NUDC: variants seen among roughly 807,000 people sequenced by gnomAD.
NUDC encodes the protein nuclear migration protein nudC.
Under a neutral mutation model 45.0 loss-of-function variants are expected in NUDC, and 14 were observed. That is an observed-to-expected ratio of 0.31 (90% confidence interval 0.21 to 0.49). The LOEUF is 0.49. NUDC is among the 20% of genes least tolerant of loss of function. The pLI, the probability that NUDC is intolerant of heterozygous loss-of-function variation, is 0.99. For missense variants in NUDC, 323 were observed against 426.2 expected (o/e 0.76, Z 2.13); for synonymous variants, 153 against 156.7 (o/e 0.98, Z 0.17).
chr1:26,919,518 A>G (rs914587071), upstream of NUDC, among the ~76,000 whole-genome samples: 1 of 152,168 alleles, frequency 6.6e-6, no homozygotes, highest in Non-Finnish European at 1.5e-5. Context: ...ACATACTTCC[A>G]GTTGTCCTGG....
chr1:26,900,387 C>T lies in NUDC; in HGVS notation c.-114C>T, dbSNP rs200926742. 64 of 1,613,894 alleles carry T rather than the reference C, an allele frequency of 4.0e-5. No individual in the cohort carries two copies. The Admixed American group carries it at 1.0e-3, about 26-fold the overall frequency. ...GGCCGAGCGCAACACGGAGGGGATA[C>T]CGCTCACTACCAGGTAAACTGTCGC... On this transcript the variant is annotated 5_prime_UTR_variant, in exon 1 of 7. Coordinates refer to the NUDC transcript ENST00000435827.
At chr1:26,919,309 A>G (rs1170104315), upstream of NUDC, among the ~76,000 whole-genome samples, 1 of 151,972 alleles carries the variant, frequency 6.6e-6, no homozygotes, top group Admixed American at 6.6e-5. Flanking sequence ...GGTTTGTTAC[A>G]TATGTATACA....
chr1:26,943,570 G>C (rs2082296048), intron 6 of NUDC, among the ~76,000 whole-genome samples: 1 of 152,154 alleles, frequency 6.6e-6, no homozygotes, highest in East Asian at 1.9e-4. Flanking sequence ...AGAATTGAAA[G>C]TCTTAGTTTC....
chr1:26,945,736 A>G, intron 8 of NUDC, 50 bp downstream of exon 8: 1 of 1,342,814 alleles, frequency 7.4e-7, no homozygotes, highest in Non-Finnish European at 1.1e-6. Context: ...CTGGGGGCTT[A>G]GACTTCGGTG....
Position 26,946,300 on chromosome 1 carries a change from G to A in NUDC, c.*119G>A. ...TGGGGCAGGCATGGGACTGGCCCAG[G>A]CACACAGGTCCCGGGGCATCAGGAG... On this transcript the variant is annotated 3_prime_UTR_variant, in exon 9 of 9. Transcript: ENST00000321265. 1 of 873,476 alleles carries A rather than the reference G, an allele frequency of 1.1e-6. No homozygotes were observed. The allele number at this position is 873,476 out of a possible 1,614,324, so 54.1% of individuals were successfully genotyped here.
rs529145512 is a variant in NUDC, at chr1:26,928,705, A to T, written c.159+4539A>T. Among the ~76,000 whole-genome samples, 81 of 152,320 alleles carry T rather than the reference A, an allele frequency of 5.3e-4. 1 individual carries two copies. The South Asian group carries it at 0.016, about 30-fold the overall frequency. On this transcript the variant is annotated intron_variant, in intron 2 of 8. Coordinates refer to ENST00000321265, the MANE Select transcript of NUDC (RefSeq NM_006600.4). Reference sequence around the variant, plus strand: ...GAGCAGGACTTTGTTTCCAAAACAAAACCCACAATGAGATACTATTTCACA... The same window carrying T: ...GAGCAGGACTTTGTTTCCAAAACAATACCCACAATGAGATACTATTTCACA...
intron 2 of NUDC, among the ~76,000 whole-genome samples, chr1:26,927,292 T>A (rs2082141455): frequency 6.6e-6 from 1 of 151,470 alleles, no homozygotes; most frequent in African/African-American, 2.4e-5. Flanking sequence ...TGTGTGTGTG[T>A]GTGTGTGTGT....
At chr1:26,922,037 G>A (rs2082095735) in intron 1 of NUDC, 108 bp downstream of exon 1, 4 of 1,162,030 alleles carry the variant, frequency 3.4e-6, no homozygotes, top group Non-Finnish European at 3.7e-6. Context: ...CGGGCTTCTG[G>A]GATGCCCCTA....
chr1:26,942,952 G>C lies in NUDC; in HGVS notation c.628G>C (p.Gly210Arg). 21 of 1,614,104 alleles carry C rather than the reference G, an allele frequency of 1.3e-5. No homozygotes were observed. Among genetic ancestry groups the C allele is most frequent in the Non-Finnish European group, 1.8e-5 (21 of 1,180,020 alleles). Residue 210 changes from glycine to arginine, a missense_variant, in exon 6 of 9, where the codon GGG becomes CGG. Around this residue, in one of 3 missense-constraint regions of NUDC, gnomAD observed 245 missense variants for 278.8 expected, o/e 0.88. Transcript: ENST00000321265. ...CATCCAGCGGCGGCACCTCCGGGTG[G>C]GGCTCAAGGGGCAGCCAGCGATCAT... is the stretch of plus-strand genomic sequence containing the variant. ...VDIQRRHLRVGLKGQPAIIDG... is the reference protein window; with the variant it reads ...VDIQRRHLRVRLKGQPAIIDG...
At chr1:26,911,137 A>T (rs1439523030) in exon 3 of NUDC, 1 of 470,890 alleles carries the variant, frequency 2.1e-6, no homozygotes, top group South Asian at 1.5e-5. Context: ...GGAATGGGGG[A>T]AGTGAATGAT....
In NUDC at chr1:26,911,877, C is replaced by T. The variant is rs763500235; in HGVS notation, c.93+642C>T. ...AGCAAAAGCATGTCCCCAAGAAGGC[C>T]AGCGATGTCAACATCTCCAATGATA... On this transcript the variant is annotated intron_variant, in intron 3 of 6. Coordinates refer to the NUDC transcript ENST00000435827. 1.9e-6 allele frequency: 3 copies of T among 1,614,068 alleles called. No homozygotes were observed. Among genetic ancestry groups the T allele is most frequent in the Non-Finnish European group, 2.5e-6 (3 of 1,180,028 alleles).
chr1:26,907,379 C>T (rs758506644), intron 2 of NUDC, among the ~76,000 whole-genome samples: 2 of 152,204 alleles, frequency 1.3e-5, no homozygotes, highest in African/African-American at 2.4e-5. Context: ...TCCTCTGCCA[C>T]AGACAAGATG....
intron 3 of NUDC, among the ~76,000 whole-genome samples, chr1:26,916,634 A>G (rs775231071): frequency 1.3e-5 from 2 of 152,054 alleles, no homozygotes; most frequent in Non-Finnish European, 1.5e-5. Flanking sequence ...ATATTTAGAA[A>G]GCATGAAGTA....
chr1:26,910,771 T>C (rs2082022211), intron 2 of NUDC, among the ~76,000 whole-genome samples: 1 of 152,182 alleles, frequency 6.6e-6, no homozygotes, highest in South Asian at 2.1e-4. Flanking sequence ...GAGGCACAGA[T>C]ATTGACCAGT....
chr1:26,901,210 A>C (rs951774357), intron 1 of NUDC, among the ~76,000 whole-genome samples: 5 of 152,026 alleles, frequency 3.3e-5, no homozygotes. Context: ...TCTGTCGCCC[A>C]GGCTGGAGTG....
chr1:26,945,509 A>G (rs1557682964), intron 7 of NUDC, 36 bp downstream of exon 7: 1 of 1,611,876 alleles, frequency 6.2e-7, no homozygotes, highest in Non-Finnish European at 8.5e-7. Flanking sequence ...TTCAGCAGGA[A>G]GGTGAGGGGC....
intron 2 of NUDC, among the ~76,000 whole-genome samples, chr1:26,903,051 C>CAA (rs35863679): frequency 7.1e-6 from 1 of 140,148 alleles, no homozygotes. Flanking sequence ...GACTCTGTCT[C>CAA]AAAAAAAAAA....
intron 2 of NUDC, chr1:26,929,788 C>A: frequency 3.7e-6 from 1 of 266,868 alleles, no homozygotes; most frequent in Non-Finnish European, 8.0e-6. Context: ...CTTTGGGAAG[C>A]TGAGGTGGGT....
At chr1:26,901,709 T>C (rs922614952) in intron 1 of NUDC, among the ~76,000 whole-genome samples, 2 of 152,126 alleles carry the variant, frequency 1.3e-5, no homozygotes, top group Non-Finnish European at 2.9e-5. Context: ...CCGGCCCTCT[T>C]TGTACGTTTT....
Sources: gnomAD v4.1 joint callset for allele counts (sites outside exome capture counted in the v4.1 genomes callset) on GRCh38, gnomAD v4.1.1 for gene constraint, gnomAD v4.1.1 regional missense constraint, MANE v1.5 for transcripts, NCBI Gene and HGNC (gene_info 2026-07-23, HGNC 2026-07-21) for gene names.